FAAP20: variants seen among roughly 807,000 people sequenced by gnomAD.
The protein encoded by FAAP20 is Fanconi anemia core complex-associated protein 20.
In FAAP20, 12 loss-of-function variants were observed where a neutral mutation model predicts 16.2. The ratio of observed to expected loss-of-function variants is 0.74; its 90% CI spans 0.48 to 1.20. The LOEUF is 1.20. Among genes scored for constraint, FAAP20 ranks in the 50% most tolerant of loss-of-function variants. The probability of loss-of-function intolerance (pLI) is 0.00; values close to 1 mark genes in which losing one functional copy is unlikely to be tolerated. For missense variants in FAAP20, 288 were observed against 245.8 expected, an observed-to-expected ratio of 1.17 and a Z score of -1.15; for synonymous variants, 141 against 110.7, an observed-to-expected ratio of 1.27 and a Z score of -1.72.
chr1:2,206,830 CAA>C (rs57221891), intron 1 of FAAP20, among the ~76,000 whole-genome samples: 13 of 89,808 alleles, frequency 1.4e-4, no homozygotes, highest in Admixed American at 2.3e-4. Context: ...GAGACTGTCT[CAA>C]AAAAAAAAAA....
downstream of FAAP20, among the ~76,000 whole-genome samples, chr1:2,211,349 C>T (rs1165200493): frequency 4.5e-5 from 6 of 132,588 alleles, no homozygotes; most frequent in African/African-American, 1.7e-4. Context: ...CCTGCCTCAG[C>T]CTCCCAAGTA....
At chr1:2,201,046 T>G, upstream of FAAP20, 1 of 1,288,788 alleles carries the variant, frequency 7.8e-7, no homozygotes, top group Non-Finnish European at 1.0e-6. Flanking sequence ...AGGACCCAGC[T>G]CACCTGTGGC....
rs2503701 is a variant in FAAP20, at chr1:2,189,679, C to G, written c.*30G>C. The G allele has an allele frequency of 3.1e-6, 5 of 1,599,484 alleles. No homozygotes were observed. The highest frequency in any genetic ancestry group is 2.2e-5 in the East Asian group (1 of 44,720). ...GGCGGGGGAGAGCGTGTCCGGGCGC[C>G]GCACTCTGCGCAGGGCTCTTGGATG... On this transcript the variant is annotated 3_prime_UTR_variant, in exon 4 of 4. Coordinates refer to ENST00000378546, the MANE Select transcript of FAAP20 (RefSeq NM_182533.4).
downstream of FAAP20, chr1:2,186,292 G>GC (rs1687578343): frequency 4.0e-6 from 1 of 249,790 alleles, no homozygotes; most frequent in Non-Finnish European, 8.3e-6. Context: ...GGAGGTCTGT[G>GC]CCGCGCCTTG....
chr1:2,186,023 C>CT (rs1180456134), downstream of FAAP20: 2 of 441,812 alleles, frequency 4.5e-6, no homozygotes, highest in African/African-American at 4.0e-5. Context: ...GAAGGCACAG[C>CT]TGTCCAGAGC....
chr1:2,201,491 G>A (rs994736086), upstream of FAAP20, among the ~76,000 whole-genome samples: 1 of 152,208 alleles, frequency 6.6e-6, no homozygotes, highest in Non-Finnish European at 1.5e-5. Context: ...GAAGGCCAAG[G>A]CGGGTGTATC....
At chr1:2,204,117 A>G (rs1314338786), upstream of FAAP20, among the ~76,000 whole-genome samples, 1 of 152,204 alleles carries the variant, frequency 6.6e-6, no homozygotes, top group Non-Finnish European at 1.5e-5. Flanking sequence ...CAGATGTGAA[A>G]GCCCCTTGCT....
In FAAP20 at chr1:2,193,843, G is replaced by A. The variant is rs150566176; in HGVS notation, c.266C>T (p.Pro89Leu). Residue 89 changes from proline to leucine, a missense_variant, in exon 3 of 4, where the codon CCC (proline) becomes CTC (leucine). Pro to Leu is a moderately conservative substitution (Grantham distance 98). Coordinates refer to ENST00000378546, the MANE Select transcript of FAAP20 (RefSeq NM_182533.4). The stretch of plus-strand genomic sequence containing the variant: ...CGGGCCCCACAGGTCCGGCGGAAAG[G>A]GTGTCCAGGAAAAGGTCTTGGGTCC... ...TVGPKTFSWT[P>L]FPPDLWGPGR... 6.2e-7 allele frequency: 1 copy of A among 1,612,122 alleles called. No individual in the cohort carries two copies. The highest frequency in any genetic ancestry group is 8.5e-7 in the Non-Finnish European group (1 of 1,179,778).
chr1:2,194,113 C>T lies in FAAP20; in HGVS notation c.83G>A (p.Trp28Ter), dbSNP rs573887985. 1 of 1,612,090 alleles carries T rather than the reference C, an allele frequency of 6.2e-7. No homozygotes were observed. The highest frequency in any genetic ancestry group is 8.5e-7 in the Non-Finnish European group (1 of 1,179,790). Residue 28 changes from tryptophan to a stop codon, truncating the protein, a stop_gained, in exon 2 of 4, where the codon TGG becomes TAG. Transcript: ENST00000378546. LOFTEE classifies it high-confidence loss of function. The part of the protein sequence containing the change: ...PAGGPSGGRP[W>*]FLLGGDERER... ...CCGCTCATCACCCCCCAGGAGAAAC[C>T]AGGGGCGGCCGCCAGAAGGCCTGGG...
upstream of FAAP20, chr1:2,201,209 C>T (rs147932497): frequency 4.2e-3 from 5,120 of 1,217,942 alleles, 13 homozygotes; most frequent in Middle Eastern, 7.9e-3. Flanking sequence ...CTCCATCCAA[C>T]GCCTCCCTCG....
chr1:2,191,968 C>T (rs1213930902), intron 3 of FAAP20: 5 of 985,364 alleles, frequency 5.1e-6, no homozygotes, highest in Non-Finnish European at 4.8e-6. Flanking sequence ...CAGCATTTGA[C>T]GGTCCTCTGG....
intron 3 of FAAP20, among the ~76,000 whole-genome samples, chr1:2,205,837 G>A (rs1174556865): frequency 6.6e-6 from 1 of 152,262 alleles, no homozygotes; most frequent in Non-Finnish European, 1.5e-5. Context: ...GCAGGGGGAG[G>A]CTGGGAAGGG....
At position 2,189,661 on chromosome 1, in the gene FAAP20, G is replaced by A; in HGVS notation, c.*48C>T. 1 of 1,521,528 alleles carries A rather than the reference G, an allele frequency of 6.6e-7. No individual in the cohort carries two copies. Among genetic ancestry groups the A allele is most frequent in the South Asian group, 1.1e-5 (1 of 88,912 alleles). The allele number at this position is 1,521,528 out of a possible 1,614,324, so 94.3% of individuals were successfully genotyped here. The stretch of plus-strand genomic sequence containing the variant: ...CCGAGAGGCGGGGCTGCTGGCGGGG[G>A]AGAGCGTGTCCGGGCGCCGCACTCT... On this transcript the variant is annotated 3_prime_UTR_variant, in exon 4 of 4. Transcript: ENST00000378546.
At chr1:2,201,052 G>A (rs775807790), upstream of FAAP20, 1 of 1,289,052 alleles carries the variant, frequency 7.8e-7, no homozygotes, top group South Asian at 1.2e-5. Context: ...CAGCTCACCT[G>A]TGGCGCACAG....
rs371506030 is a variant in FAAP20, at chr1:2,189,678, C to A, written c.*31G>T. 1.2e-4 allele frequency: 195 copies of A among 1,595,408 alleles called. 1 individual carries two copies. Among genetic ancestry groups the A allele is most frequent in the Middle Eastern group, 6.7e-4 (4 of 5,930 alleles). ...TGGCGGGGGAGAGCGTGTCCGGGCGCCGCACTCTGCGCAGGGCTCTTGGAT... is the reference window on the plus strand; with the variant it reads ...TGGCGGGGGAGAGCGTGTCCGGGCGACGCACTCTGCGCAGGGCTCTTGGAT... On this transcript the variant is annotated 3_prime_UTR_variant, in exon 4 of 4. Coordinates refer to ENST00000378546, the MANE Select transcript of FAAP20 (RefSeq NM_182533.4).
upstream of FAAP20, among the ~76,000 whole-genome samples, chr1:2,197,699 G>A (rs1210545832): frequency 7.2e-5 from 11 of 152,230 alleles, no homozygotes; most frequent in Admixed American, 6.5e-5. Flanking sequence ...GTCCTCCTGG[G>A]GGCTCTTCCC....
upstream of FAAP20, chr1:2,203,507 G>A (rs951485125): frequency 2.0e-6 from 2 of 985,186 alleles, no homozygotes; most frequent in African/African-American, 1.7e-5. Context: ...GCCTGGCGCT[G>A]ACCTGTGCAC....
At chr1:2,193,416 C>T in intron 3 of FAAP20, 1 of 677,764 alleles carries the variant, frequency 1.5e-6, no homozygotes, top group Non-Finnish European at 2.3e-6. Flanking sequence ...GTTCTGTGGG[C>T]CCCCAGCCTG....
downstream of FAAP20, among the ~76,000 whole-genome samples, chr1:2,209,455 G>A (rs957330846): frequency 2.6e-5 from 4 of 152,212 alleles, no homozygotes; most frequent in Non-Finnish European, 5.9e-5. Flanking sequence ...CGCTGTGTCC[G>A]TGTGCTTGCT....
Sources: allele counts gnomAD v4.1 joint callset (sites outside exome capture counted in the v4.1 genomes callset), GRCh38; gene constraint gnomAD v4.1.1; transcripts MANE v1.5; gene names NCBI Gene and HGNC (gene_info 2026-07-23, HGNC 2026-07-21).